The following EBF1 variants were observed in gnomAD, a reference collection of about 807,000 sequenced individuals.
EBF1 encodes transcription factor COE1.
EBF1 carries 10 observed loss-of-function variants against 68.4 expected under a neutral mutation model. The ratio of observed to expected loss-of-function variants is 0.15; its 90% CI spans 0.09 to 0.25. The LOEUF (loss-of-function observed/expected upper bound fraction) is 0.25. EBF1 is among the 10% of genes least tolerant of loss of function. The probability of loss-of-function intolerance (pLI) is 1.00; values close to 1 mark genes in which losing one functional copy is unlikely to be tolerated. For missense variants in EBF1, 509 were observed against 794.4 expected, an observed-to-expected ratio of 0.64 and a Z score of 4.32; for synonymous variants, 298 against 299.8, an observed-to-expected ratio of 0.99 and a Z score of 0.06.
At chr5:158,867,436 C>T (rs1796123516) in intron 6 of EBF1, among the ~76,000 whole-genome samples, 1 of 152,162 alleles carries the variant, frequency 6.6e-6, no homozygotes, top group African/African-American at 2.4e-5. Context: ...AGATGGGATA[C>T]AGTGTTTCTT....
chr5:158,731,043 G>A (rs1449588510), intron 11 of EBF1, 26 bp downstream of exon 11: 1 of 1,599,214 alleles, frequency 6.3e-7, no homozygotes, highest in African/African-American at 1.3e-5. Flanking sequence ...AAATTTTCAG[G>A]AATTACAAAA....
intron 6 of EBF1, among the ~76,000 whole-genome samples, chr5:159,009,610 C>CA (rs999623488): frequency 6.6e-6 from 1 of 151,794 alleles, no homozygotes; most frequent in Non-Finnish European, 1.5e-5. Flanking sequence ...AGACATCACA[C>CA]AAAAAACAAG....
At position 158,861,850 on chromosome 5, in the gene EBF1, A is replaced by G. The variant is rs528384362; in HGVS notation, c.555-21740T>C. On this transcript the variant is annotated intron_variant, in intron 6 of 15. Transcript: ENST00000313708. ...TAAAGGTTGATTTATTGTAAAAAAA[A>G]AAAAATGTTTAAAATCCAAAATTCA... is the stretch of plus-strand genomic sequence containing the variant. 5.3e-5 allele frequency among the ~76,000 whole-genome samples: 8 copies of G among 152,272 alleles called. No homozygotes were observed. The South Asian group carries it at 1.2e-3, about 24-fold the overall frequency.
chr5:159,024,822 G>T (rs1283857446), intron 6 of EBF1, among the ~76,000 whole-genome samples: 1 of 152,212 alleles, frequency 6.6e-6, no homozygotes, highest in Non-Finnish European at 1.5e-5. Flanking sequence ...ATTGAGTCTG[G>T]AAGTAGACAA....
Position 159,008,002 on chromosome 5 carries a change from T to G in EBF1, c.554+65394A>C, listed in dbSNP as rs569837778. ...GCATACCAAGTGAACAATGATCCAT[T>G]TAATCATGATGTGGGAGATAGATTT... On this transcript the variant is annotated intron_variant, in intron 6 of 15. Transcript: ENST00000313708. Among the ~76,000 whole-genome samples, 74 of 152,316 alleles carry G rather than the reference T, an allele frequency of 4.9e-4. 1 individual carries two copies. The highest frequency in any genetic ancestry group is 7.4e-4 in the Non-Finnish European group (50 of 68,026).
At chr5:158,858,797 G>A (rs570351143) in intron 6 of EBF1, among the ~76,000 whole-genome samples, 62 of 152,302 alleles carry the variant, frequency 4.1e-4, no homozygotes, top group Non-Finnish European at 7.4e-4. Flanking sequence ...CAGAGGAAAG[G>A]AAGAGGGGCT....
chr5:159,071,015 T>C (rs1311218710), intron 6 of EBF1, among the ~76,000 whole-genome samples: 1 of 152,240 alleles, frequency 6.6e-6, no homozygotes, highest in Non-Finnish European at 1.5e-5. Flanking sequence ...ATTTTGCCCT[T>C]TCTTGCATAA....
chr5:158,750,501 G>A (rs1768580877), intron 10 of EBF1, among the ~76,000 whole-genome samples: 1 of 151,834 alleles, frequency 6.6e-6, no homozygotes, highest in Non-Finnish European at 1.5e-5. Context: ...TTTGCAACTG[G>A]GTGATAAAAA....
chr5:158,969,220 T>C (rs1162971956), intron 6 of EBF1, among the ~76,000 whole-genome samples: 1 of 152,140 alleles, frequency 6.6e-6, no homozygotes, highest in Non-Finnish European at 1.5e-5. Flanking sequence ...GAGACTCACT[T>C]GAACCTGGGG....
chr5:158,872,845 C>T (rs1385883703), intron 6 of EBF1, among the ~76,000 whole-genome samples: 1 of 152,118 alleles, frequency 6.6e-6, no homozygotes, highest in African/African-American at 2.4e-5. Flanking sequence ...TGGGTATGTG[C>T]TAAGCTGTTA....
chr5:159,039,425 T>C (rs1770748041), intron 6 of EBF1, among the ~76,000 whole-genome samples: 1 of 152,236 alleles, frequency 6.6e-6, no homozygotes, highest in Admixed American at 6.5e-5. Flanking sequence ...CTAGTTAAAA[T>C]AAAACTACTA....
At position 159,098,151 on chromosome 5, in the gene EBF1, G is replaced by GC. The variant is rs2128014244; in HGVS notation, c.135-1022dup. The stretch of plus-strand genomic sequence containing the variant: ...CCTTCCGCACTCTGAGTCCGATAGG[G>GC]CCTGGGGCCACCAGATCTCCCACTG... On this transcript the variant is annotated intron_variant, in intron 1 of 15. Transcript: ENST00000313708. Among the ~76,000 whole-genome samples, 5 of 152,354 alleles carry GC rather than the reference G, an allele frequency of 3.3e-5. No individual in the cohort carries two copies. The South Asian group carries it at 1.0e-3, about 32-fold the overall frequency.
intron 6 of EBF1, among the ~76,000 whole-genome samples, chr5:158,933,257 A>G (rs1583276572): frequency 6.6e-6 from 1 of 152,208 alleles, no homozygotes; most frequent in East Asian, 1.9e-4. Context: ...GCTTTTTGCT[A>G]AAGGAAGCGG....
chr5:158,843,368 G>A (rs949138498), intron 6 of EBF1, among the ~76,000 whole-genome samples: 6 of 152,184 alleles, frequency 3.9e-5, no homozygotes, highest in African/African-American at 1.4e-4. Context: ...CTATGCCAGG[G>A]AGAAACAGAA....
In EBF1 at chr5:159,091,801, AC is replaced by A. The variant is rs199542435; in HGVS notation, c.411+3818del. 3.9e-4 allele frequency among the ~76,000 whole-genome samples: 60 copies of A among 152,076 alleles called. No homozygotes were observed. In the East Asian group the frequency reaches 0.011, roughly 27 times the overall value. On this transcript the variant is annotated intron_variant, in intron 4 of 15. Coordinates refer to ENST00000313708, the MANE Select transcript of EBF1 (RefSeq NM_024007.5). ...AGCATTTCTGATGATTGTACCTTGG[AC>A]CCCCCACTGTCCTGGGAACCTTTTC...
At chr5:158,763,753 A>G (rs1772039854) in intron 10 of EBF1, among the ~76,000 whole-genome samples, 1 of 152,198 alleles carries the variant, frequency 6.6e-6, no homozygotes, top group East Asian at 1.9e-4. Context: ...TTATGTTTTT[A>G]TATATTTGCA....
At chr5:158,710,593 T>C (rs1758990812) in intron 14 of EBF1, among the ~76,000 whole-genome samples, 1 of 152,202 alleles carries the variant, frequency 6.6e-6, no homozygotes, top group Non-Finnish European at 1.5e-5. Context: ...GTTGTAAATG[T>C]TCAACAAACT....
At chr5:159,018,584 A>G (rs1343015513) in intron 6 of EBF1, among the ~76,000 whole-genome samples, 1 of 152,260 alleles carries the variant, frequency 6.6e-6, no homozygotes, top group Non-Finnish European at 1.5e-5. Flanking sequence ...TCAGAAGGAT[A>G]ATTGCATGCA....
intron 6 of EBF1, among the ~76,000 whole-genome samples, chr5:159,053,616 C>CAA (rs1048834896): frequency 6.6e-6 from 1 of 151,710 alleles, no homozygotes; most frequent in Admixed American, 6.6e-5. Context: ...CACACACACA[C>CAA]ACACACACAC....
Sources: gnomAD v4.1 joint callset for allele counts (sites outside exome capture counted in the v4.1 genomes callset) on GRCh38, gnomAD v4.1.1 for gene constraint, MANE v1.5 for transcripts, NCBI Gene and HGNC (gene_info 2026-07-23, HGNC 2026-07-21) for gene names.